The following CBX7 variants were observed in gnomAD, a reference collection of about 807,000 sequenced individuals.
CBX7 encodes chromobox 7.
In CBX7, 14 loss-of-function variants were observed where a neutral mutation model predicts 31.4. That is an observed-to-expected ratio of 0.45 (90% CI 0.29 to 0.70). The LOEUF (loss-of-function observed/expected upper bound fraction) is 0.70, where lower values mean the gene tolerates loss of function less well. CBX7 is among the 30% of genes least tolerant of loss of function. The pLI, the probability that CBX7 is intolerant of heterozygous loss-of-function variation, is 0.11. For synonymous variants in CBX7, 159 were observed against 152.6 expected, an observed-to-expected ratio of 1.04 and a Z score of -0.31; for missense variants, 269 against 351.9, an observed-to-expected ratio of 0.76 and a Z score of 1.89.
intron 2 of CBX7, among the ~76,000 whole-genome samples, chr22:39,145,665 C>CCGCG (rs1184043838): frequency 6.6e-6 from 1 of 150,568 alleles, no homozygotes; most frequent in South Asian, 2.1e-4. Flanking sequence ...CCCCCGCCGG[C>CCGCG]CGCGCGCACG....
At chr22:39,134,150 C>G in intron 5 of CBX7, 102 bp from the exon 6 acceptor site, 1 of 1,259,154 alleles carries the variant, frequency 7.9e-7, no homozygotes. Context: ...TCTGTGTCTT[C>G]AGTCAGCTCA....
chr22:39,149,666 C>A, intron 2 of CBX7, 123 bp downstream of exon 2: 1 of 805,446 alleles, frequency 1.2e-6, no homozygotes, highest in Non-Finnish European at 2.2e-6. Context: ...AAATCAAGGT[C>A]AGCTGTCCAG....
Position 39,141,451 on chromosome 22 carries a change from G to C in CBX7, c.114-15C>G, listed in dbSNP as rs147141475. ...ACGTGCTGTACCTGGGGAGAGGAAT[G>C]AAAGGTCAGAGTTGGGGCTGGGCGC... On this transcript the variant is annotated splice_polypyrimidine_tract_variant and intron_variant, in intron 2 of 5. Transcript: ENST00000216133. 613 of 1,609,504 alleles carry C rather than the reference G, an allele frequency of 3.8e-4. 4 individuals are homozygous for C. The African/African-American group carries it at 7.1e-3, about 19-fold the overall frequency.
rs1457520463 is a variant in CBX7, at chr22:39,131,538, A to G, written c.*2353T>C. ...GGGAGCTGGCTCACTACAGCCCATG[A>G]GCCACCTGGCTGCCCTGAGCTGGGC... On this transcript the variant is annotated 3_prime_UTR_variant, in exon 6 of 6. Transcript: ENST00000216133. 1 of 152,490 alleles carries G rather than the reference A, an allele frequency of 6.6e-6. No individual in the cohort carries two copies. The highest frequency in any genetic ancestry group is 1.5e-5 in the Non-Finnish European group (1 of 68,120). 9.4% of individuals were successfully genotyped at this position (152,490 alleles called of 1,614,324 possible). A position where few individuals can be genotyped will look rare whatever the true frequency, so the allele number is the denominator to read the frequency against.
At chr22:39,139,745 A>C (rs951084878) in intron 3 of CBX7, among the ~76,000 whole-genome samples, 3 of 144,712 alleles carry the variant, frequency 2.1e-5, no homozygotes, top group Non-Finnish European at 3.0e-5. Context: ...AGAAAAAAAA[A>C]CAAACAAAAA....
At position 39,152,236 on chromosome 22, in the gene CBX7, TG is replaced by T; in HGVS notation, c.69+139del. On this transcript the variant is annotated intron_variant, in intron 1 of 5. Coordinates refer to ENST00000216133, the MANE Select transcript of CBX7 (RefSeq NM_175709.5). This position sits in a 1 kb window ranked among gnomAD's most constrained non-coding sequence, Gnocchi z 4.9. ...GTGGCAGGGAAACTGAGGCACGGGC[TG>T]GGGAGACGGGCCCAGCAGCGCAGGG... 1 of 326,598 alleles carries T rather than the reference TG, an allele frequency of 3.1e-6. No homozygotes were observed. Among genetic ancestry groups the T allele is most frequent in the Non-Finnish European group, 5.2e-6 (1 of 191,628 alleles). The allele number at this position is 326,598 out of a possible 1,614,324, so 20.2% of individuals were successfully genotyped here.
chr22:39,141,263 C>G, intron 3 of CBX7, 108 bp downstream of exon 3: 1 of 900,070 alleles, frequency 1.1e-6, no homozygotes, highest in Admixed American at 2.4e-5. Flanking sequence ...CCTGCCCCAT[C>G]GGACACCCCT....
At chr22:39,145,159 G>A (rs957698358) in intron 2 of CBX7, among the ~76,000 whole-genome samples, 4 of 152,178 alleles carry the variant, frequency 2.6e-5, no homozygotes, top group Non-Finnish European at 5.9e-5. Context: ...TTGCCGGCCC[G>A]GGCAGCTGGG....
At chr22:39,150,241 C>T (rs1022940017) in intron 1 of CBX7, among the ~76,000 whole-genome samples, 4 of 152,176 alleles carry the variant, frequency 2.6e-5, no homozygotes, top group South Asian at 2.1e-4. Flanking sequence ...TCTCCAAATA[C>T]GAAAACATTC....
At chr22:39,145,271 ACGCCGCGCCGCACCG>A (rs924690855) in intron 2 of CBX7, among the ~76,000 whole-genome samples, 1 of 151,986 alleles carries the variant, frequency 6.6e-6, no homozygotes, top group Admixed American at 6.5e-5. Flanking sequence ...GGTAAGGAGG[ACGCCGCGCCGCACCG>A]CGCCGCGCCC....
rs1379642763 is a variant in CBX7 at position 39,145,718 on chromosome 22, A to AGGGGGC, written c.113+4065_113+4070dup. Among the ~76,000 whole-genome samples, 1,173 of 136,176 alleles carry AGGGGGC rather than the reference A, an allele frequency of 8.6e-3. 7 individuals are homozygous for AGGGGGC. Among genetic ancestry groups the AGGGGGC allele is most frequent in the Middle Eastern group, 0.023 (6 of 262 alleles). 89.3% of individuals were successfully genotyped at this position (136,176 alleles called of 152,430 possible). On this transcript the variant is annotated intron_variant, in intron 2 of 5. Transcript: ENST00000216133. ...GCGCGCCGGGATTACCGGCAAACCG[A>AGGGGGC]GGGGGCGGGGGCGGGGGCGGGGACA...
intron 3 of CBX7, among the ~76,000 whole-genome samples, chr22:39,139,560 G>A (rs1276178562): frequency 5.9e-5 from 9 of 151,716 alleles, no homozygotes; most frequent in African/African-American, 1.2e-4. Flanking sequence ...AAAATTAGCC[G>A]GGCATGGTGG....
At chr22:39,143,695 G>T (rs1930540762) in intron 2 of CBX7, among the ~76,000 whole-genome samples, 1 of 152,226 alleles carries the variant, frequency 6.6e-6, no homozygotes, top group Non-Finnish European at 1.5e-5. Context: ...TGCTCTAGAA[G>T]GTGTCCCAGG....
chr22:39,139,564 A>G (rs979092852), intron 3 of CBX7, among the ~76,000 whole-genome samples: 4 of 151,846 alleles, frequency 2.6e-5, no homozygotes, highest in Admixed American at 6.6e-5. Context: ...TTAGCCGGGC[A>G]TGGTGGCGGG....
intron 5 of CBX7, 42 bp downstream of exon 5, chr22:39,134,341 ACCTTATGACCCATAGGGC>A: frequency 7.3e-7 from 1 of 1,375,186 alleles, no homozygotes; most frequent in Non-Finnish European, 9.8e-7. Flanking sequence ...AACCAGCTGG[ACCTTATGACCCATAGGGC>A]CCTTTCCAGC....
Position 39,134,528 on chromosome 22 carries a change from C to A in CBX7, c.471G>T (p.Pro157=). The A allele has an allele frequency of 6.2e-7, 1 of 1,611,780 alleles. No homozygotes were observed. The highest frequency in any genetic ancestry group is 8.5e-7 in the Non-Finnish European group (1 of 1,179,506). The change falls in exon 5 of 6, where the codon CCG becomes CCT. Residue 157 remains proline, a synonymous_variant. Coordinates refer to ENST00000216133, the MANE Select transcript of CBX7 (RefSeq NM_175709.5). Reference sequence around the variant, plus strand: ...GGCTCTCCAGGTTGGGCCCGCGGGGCGGGAACTTCTTGCGCGAGAGCCGCA... The same window carrying A: ...GGCTCTCCAGGTTGGGCCCGCGGGGAGGGAACTTCTTGCGCGAGAGCCGCA... ...KYLRLSRKKF[P]PRGPNLESHS...
chr22:39,138,699 C>T lies in CBX7; in HGVS notation c.183G>A (p.Glu61=), dbSNP rs775721552. The T allele has an allele frequency of 2.2e-5, 36 of 1,614,018 alleles. No homozygotes were observed. In the East Asian group the frequency reaches 8.0e-4, roughly 36 times the overall value. ...TATACCCCGATGCTCGGTCTCTCTCCTCCCTGGGGTGTGAAGCAGGTGGCA... is the reference window on the plus strand; with the variant it reads ...TATACCCCGATGCTCGGTCTCTCTCTTCCCTGGGGTGTGAAGCAGGTGGCA... ...PRLVMAYEEK[E]ERDRASGYRK... is the part of the protein sequence containing the mutation. The change falls in exon 4 of 6, where the codon GAG becomes GAA. Residue 61 remains glutamate, a synonymous_variant. Transcript: ENST00000216133.
At chr22:39,134,198 C>G in intron 5 of CBX7, 150 bp from the exon 6 acceptor site, 3 of 890,142 alleles carry the variant, frequency 3.4e-6, no homozygotes, top group Non-Finnish European at 5.0e-6. Flanking sequence ...GAGGAGGGCA[C>G]TGGGTGCATC....
chr22:39,149,482 C>T lies in CBX7; in HGVS notation c.113+307G>A, dbSNP rs893684438. The T allele has an allele frequency of 1.1e-4, 54 of 486,022 alleles. No homozygotes were observed. The East Asian group carries it at 1.6e-3, about 14-fold the overall frequency. The allele number at this position is 486,022 out of a possible 1,614,324, so 30.1% of individuals were successfully genotyped here. On this transcript the variant is annotated intron_variant, in intron 2 of 5. Transcript: ENST00000216133. Reference sequence around the variant, plus strand: ...CATCTCCAGTAGCCCGGATGCTGGGCCTTCACCTCCCAGTTGCCAAGAAAA... The same window carrying T: ...CATCTCCAGTAGCCCGGATGCTGGGTCTTCACCTCCCAGTTGCCAAGAAAA...
Sources: gnomAD v4.1 joint callset for allele counts (sites outside exome capture counted in the v4.1 genomes callset) on GRCh38, gnomAD v4.1.1 for gene constraint, Gnocchi (gnomAD v3.1) non-coding constraint, MANE v1.5 for transcripts, NCBI Gene and HGNC (gene_info 2026-07-23, HGNC 2026-07-21) for gene names.